Variants in CHRNA9 observed in about 807,000 individuals in gnomAD.
CHRNA9 encodes the protein neuronal acetylcholine receptor subunit alpha-9.
Under a neutral mutation model 36.8 loss-of-function variants are expected in CHRNA9, and 24 were observed. That is an observed-to-expected ratio of 0.65 (90% CI 0.47 to 0.92). The LOEUF (loss-of-function observed/expected upper bound fraction) is 0.92. Ranked by LOEUF, CHRNA9 falls within the 40% of genes least tolerant of loss-of-function variation. The pLI is 0.00. For synonymous variants in CHRNA9, 231 were observed against 231.8 expected (o/e 1.00, Z 0.03); for missense variants, 610 against 601.2 (o/e 1.01, Z -0.15).
intron 4 of CHRNA9, among the ~76,000 whole-genome samples, chr4:40,350,693 TACACACACAC>T (rs59972613): frequency 1.8e-4 from 26 of 143,976 alleles, no homozygotes; most frequent in Non-Finnish European, 2.4e-4. Flanking sequence ...CTTTGCAAAA[TACACACACAC>T]ACACACACAC....
chr4:40,342,495 T>C (rs968469018), intron 3 of CHRNA9, among the ~76,000 whole-genome samples: 1 of 151,956 alleles, frequency 6.6e-6, no homozygotes, highest in African/African-American at 2.4e-5. Context: ...AAACTTAGAA[T>C]TAGTAGTTAA....
intron 3 of CHRNA9, among the ~76,000 whole-genome samples, chr4:40,346,120 G>C (rs1169083322): frequency 6.6e-6 from 1 of 152,232 alleles, no homozygotes; most frequent in Non-Finnish European, 1.5e-5. Context: ...TTGCCCTTTG[G>C]CTTGGGGTTG....
chr4:40,339,266 C>T (rs111896769), intron 3 of CHRNA9, among the ~76,000 whole-genome samples: 18,126 of 107,046 alleles, frequency 0.17, 1,344 homozygotes, highest in Middle Eastern at 0.31. Context: ...GCGACAAGAG[C>T]GAGACTCCAT....
At chr4:40,341,446 A>G (rs1398281509) in intron 3 of CHRNA9, among the ~76,000 whole-genome samples, 1 of 151,902 alleles carries the variant, frequency 6.6e-6, no homozygotes, top group African/African-American at 2.4e-5. Flanking sequence ...TCAGCTTCCA[A>G]CTCGTCACAG....
At chr4:40,345,180 C>A (rs1712603135) in intron 3 of CHRNA9, among the ~76,000 whole-genome samples, 2 of 151,994 alleles carry the variant, frequency 1.3e-5, no homozygotes, top group Admixed American at 1.3e-4. Context: ...TATAGGAAGC[C>A]ACTGCAAGTT....
At position 40,354,276 on chromosome 4, in the gene CHRNA9, G is replaced by T. The variant is rs779308915; in HGVS notation, c.1196G>T (p.Arg399Leu). 4.3e-6 allele frequency: 7 copies of T among 1,614,160 alleles called. No individual in the cohort carries two copies. The highest frequency in any genetic ancestry group is 5.1e-6 in the Non-Finnish European group (6 of 1,180,014). Residue 399 changes from arginine (R) to leucine (L), a missense_variant, in exon 5 of 5, where the codon CGC becomes CTC. Arg to Leu is a moderately radical substitution (Grantham distance 102, BLOSUM62 -2). Transcript: ENST00000310169. Reference sequence around the variant, plus strand: ...TCCAGAAAGAAGGACATGAACAAACGCTTAAAGAACGACCTGGGCTGCCAG... The same window carrying T: ...TCCAGAAAGAAGGACATGAACAAACTCTTAAAGAACGACCTGGGCTGCCAG... Reference protein sequence around the residue: ...DLSRKKDMNKRLKNDLGCQGK... With the variant: ...DLSRKKDMNKLLKNDLGCQGK...
chr4:40,341,008 T>C (rs1453023373), intron 3 of CHRNA9, among the ~76,000 whole-genome samples: 1 of 136,874 alleles, frequency 7.3e-6, no homozygotes, highest in African/African-American at 2.8e-5. Context: ...ATTTCCCTAA[T>C]AACTTCGGCA....
At position 40,354,476 on chromosome 4, in the gene CHRNA9, A is replaced by G. The variant is rs1712902638; in HGVS notation, c.1396A>G (p.Met466Val). ...DRFFMWIFFI[M>V]VFVMTILIIA... is the part of the protein sequence containing the mutation. ...ATTCTTCATGTGGATTTTTTTCATT[A>G]TGGTGTTTGTGATGACTATTTTGAT... Residue 466 changes from methionine to valine, a missense_variant, in exon 5 of 5, where the codon ATG (methionine) becomes GTG (valine). Met to Val is a conservative substitution (Grantham distance 21, BLOSUM62 1). Transcript: ENST00000310169. 1 of 1,613,980 alleles carries G rather than the reference A, an allele frequency of 6.2e-7. No homozygotes were observed. The highest frequency in any genetic ancestry group is 8.5e-7 in the Non-Finnish European group (1 of 1,179,882).
rs1230580035 is a variant in CHRNA9, at chr4:40,337,383, T to C, written c.365+19T>C. On this transcript the variant is annotated intron_variant, in intron 3 of 4. Coordinates refer to ENST00000310169, the MANE Select transcript of CHRNA9 (RefSeq NM_017581.4). ...ATAACAAGTAAGTGCAGCTCAGAAC[T>C]GAGGCTTTTCAGGCATGAACGTGTT... The C allele has an allele frequency of 1.3e-6, 2 of 1,599,338 alleles. No homozygotes were observed. The highest frequency in any genetic ancestry group is 1.7e-6 in the Non-Finnish European group (2 of 1,169,636).
intron 3 of CHRNA9, among the ~76,000 whole-genome samples, chr4:40,344,171 C>G (rs1009589724): frequency 6.6e-6 from 1 of 152,160 alleles, no homozygotes; most frequent in Non-Finnish European, 1.5e-5. Context: ...GGAATGCAGC[C>G]CTGCTCACAT....
intron 3 of CHRNA9, chr4:40,347,696 T>A (rs1712673114): frequency 6.6e-6 from 1 of 152,220 alleles, no homozygotes; most frequent in African/African-American, 2.4e-5. Context: ...GTAACCATAA[T>A]ATACTTACCA....
At chr4:40,347,175 G>A (rs1440427589) in intron 3 of CHRNA9, among the ~76,000 whole-genome samples, 4 of 152,124 alleles carry the variant, frequency 2.6e-5, no homozygotes, top group African/African-American at 4.8e-5. Context: ...TGGATGAATT[G>A]TATAGTGGTG....
In CHRNA9 at chr4:40,354,513, C is replaced by T. The variant is rs146751601; in HGVS notation, c.1433C>T (p.Ala478Val). The T allele has an allele frequency of 7.5e-4, 1,198 of 1,605,034 alleles. 3 individuals are homozygous for T. The highest frequency in any genetic ancestry group is 6.7e-4 in the East Asian group (30 of 44,718). The change falls in exon 5 of 5, where the codon GCG (alanine) becomes GTG (valine). Residue 478 changes from alanine to valine, a missense_variant. Transcript: ENST00000310169. Reference protein sequence around the residue: ...FVMTILIIARAD With the variant: ...FVMTILIIARVD ...ATGACTATTTTGATCATAGCAAGAG[C>T]GGATTAGTCACAGATATTGGCTTTG...
Position 40,354,432 on chromosome 4 carries a change from T to C in CHRNA9, c.1352T>C (p.Val451Ala), listed in dbSNP as rs1712901123. The change falls in exon 5 of 5, where the codon GTG (valine) becomes GCG (alanine). Residue 451 changes from valine to alanine, a missense_variant. Coordinates refer to ENST00000310169, the MANE Select transcript of CHRNA9 (RefSeq NM_017581.4). ...TCCAAGGGGAGTGAATGGAAGAAGGTGGCGAAAGTCATAGACCGATTCTTC... is the reference window on the plus strand; with the variant it reads ...TCCAAGGGGAGTGAATGGAAGAAGGCGGCGAAAGTCATAGACCGATTCTTC... ...TNSKGSEWKK[V>A]AKVIDRFFMW... The C allele has an allele frequency of 1.2e-6, 2 of 1,613,964 alleles. No individual in the cohort carries two copies. The highest frequency in any genetic ancestry group is 2.7e-5 in the African/African-American group (2 of 74,906).
chr4:40,337,589 G>A (rs1458240600), intron 3 of CHRNA9, among the ~76,000 whole-genome samples: 2 of 152,150 alleles, frequency 1.3e-5, no homozygotes, highest in Non-Finnish European at 2.9e-5. Context: ...CCTTTTTCAG[G>A]TGGGAAAGTG....
In CHRNA9 at chr4:40,349,271, C is replaced by A. The variant is rs768045217; in HGVS notation, c.755C>A (p.Ser252Tyr). 1.2e-6 allele frequency: 2 copies of A among 1,614,148 alleles called. No homozygotes were observed. The highest frequency in any genetic ancestry group is 1.3e-5 in the African/African-American group (1 of 75,028). ...VNLLIPCVLI[S>Y]FLAPLSFYLP... ...CTCCTCATCCCATGCGTCCTCATAT[C>A]TTTTCTGGCTCCTCTGAGTTTTTAT... The change falls in exon 4 of 5, where the codon TCT becomes TAT. Residue 252 changes from serine (S) to tyrosine (Y), a missense_variant. Transcript: ENST00000310169.
chr4:40,342,059 G>T (rs1049785195), intron 3 of CHRNA9, among the ~76,000 whole-genome samples: 2 of 152,306 alleles, frequency 1.3e-5, no homozygotes, highest in East Asian at 1.9e-4. Context: ...CCAGTGGTTG[G>T]ATTTTAATGA....
intron 3 of CHRNA9, among the ~76,000 whole-genome samples, chr4:40,342,796 G>A (rs1712534150): frequency 6.6e-6 from 1 of 152,168 alleles, no homozygotes; most frequent in African/African-American, 2.4e-5. Flanking sequence ...TTTGGCAGGA[G>A]AGACTTGCGA....
chr4:40,339,279 C>CAAA (rs61634062), intron 3 of CHRNA9, among the ~76,000 whole-genome samples: 222 of 70,772 alleles, frequency 3.1e-3, no homozygotes, highest in East Asian at 5.4e-3. Context: ...GACTCCATCT[C>CAAA]AAAAAAAAAA....
Sources: allele counts gnomAD v4.1 joint callset (sites outside exome capture counted in the v4.1 genomes callset), GRCh38; gene constraint gnomAD v4.1.1; transcripts MANE v1.5; gene names NCBI Gene and HGNC (gene_info 2026-07-23, HGNC 2026-07-21).